The following CACNG1 variants were observed in gnomAD, a reference collection of about 807,000 sequenced individuals.
The protein encoded by CACNG1 is calcium voltage-gated channel auxiliary subunit gamma 1.
CACNG1 carries 21 observed loss-of-function variants against 22.0 expected under a neutral mutation model. The observed-to-expected ratio is 0.95, with a 90% confidence interval of 0.68 to 1.37. CACNG1 has a LOEUF of 1.37. Ranked by LOEUF, CACNG1 falls within the 40% of genes most tolerant of loss-of-function variation. The pLI is 0.00. For missense variants in CACNG1, 291 were observed against 308.6 expected (o/e 0.94, Z 0.43); for synonymous variants, 127 against 129.2 (o/e 0.98, Z 0.12).
chr17:67,047,730 G>A (rs778699049), intron 1 of CACNG1, among the ~76,000 whole-genome samples: 3 of 152,086 alleles, frequency 2.0e-5, no homozygotes, highest in Non-Finnish European at 4.4e-5. Flanking sequence ...AAAACAACAG[G>A]CTAACCAAAA....
chr17:67,049,559 A>C (rs886963650), intron 1 of CACNG1, among the ~76,000 whole-genome samples: 2 of 143,082 alleles, frequency 1.4e-5, no homozygotes, highest in African/African-American at 4.9e-5. Flanking sequence ...GGTGGTTCCT[A>C]TTCTACAGGT....
intron 1 of CACNG1, among the ~76,000 whole-genome samples, chr17:67,052,222 AC>A (rs2035732028): frequency 6.6e-6 from 1 of 152,176 alleles, no homozygotes; most frequent in Admixed American, 6.5e-5. Context: ...GCAGTCAGAC[AC>A]CCCAGGTAAC....
At chr17:67,047,052 T>C (rs1251526595) in intron 1 of CACNG1, among the ~76,000 whole-genome samples, 1 of 152,170 alleles carries the variant, frequency 6.6e-6, no homozygotes, top group Non-Finnish European at 1.5e-5. Flanking sequence ...TCTGCCCTTC[T>C]TGTGCTCCCT....
rs2035751346 is a variant in CACNG1, at chr17:67,054,920, C to A, written c.305-183C>A. On this transcript the variant is annotated intron_variant, in intron 2 of 3. Coordinates refer to ENST00000226021, the MANE Select transcript of CACNG1 (RefSeq NM_000727.4). The surrounding 1 kb of genome is among the most constrained non-coding windows in gnomAD (Gnocchi z 4.6). ...ACAATGACACACACAGACACTGACA[C>A]ACACACAGATACACACATACAATGA... is the stretch of plus-strand genomic sequence containing the variant. Among the ~76,000 whole-genome samples the A allele has an allele frequency of 6.6e-6, 1 of 151,706 alleles. No homozygotes were observed. Among genetic ancestry groups the A allele is most frequent in the Non-Finnish European group, 1.5e-5 (1 of 67,936 alleles).
chr17:67,056,225 C>A lies in CACNG1; in HGVS notation c.623C>A (p.Pro208His). Residue 208 changes from proline (P) to histidine (H), a missense_variant, in exon 4 of 4, where the codon CCC becomes CAC. Physicochemically the swap from Pro to His is moderately conservative, Grantham distance 77. Transcript: ENST00000226021. The surrounding 1 kb of genome is among the most constrained non-coding windows in gnomAD (Gnocchi z 4.3). ...ALLLFSLPRM[P>H]RNPWESCMDA... ...CTGCTGTTCTCCCTGCCTCGAATGC[C>A]CCGGAACCCATGGGAGTCCTGCATG... The A allele has an allele frequency of 6.2e-7, 1 of 1,614,036 alleles. No individual in the cohort carries two copies. Among genetic ancestry groups the A allele is most frequent in the South Asian group, 1.1e-5 (1 of 91,060 alleles).
In CACNG1 at chr17:67,052,520, C is replaced by T. The variant is rs577925998; in HGVS notation, c.230-1476C>T. 1.5e-4 allele frequency among the ~76,000 whole-genome samples: 23 copies of T among 152,244 alleles called. No individual in the cohort carries two copies. The South Asian group carries it at 3.1e-3, about 21-fold the overall frequency. On this transcript the variant is annotated intron_variant, in intron 1 of 3. Coordinates refer to ENST00000226021, the MANE Select transcript of CACNG1 (RefSeq NM_000727.4). ...TTTCCAGAAAGAACTAGGCATCAAC[C>T]GCCTTATGAGCATCTAAATGAAGCC...
chr17:67,053,607 T>C (rs1043320719), intron 1 of CACNG1, among the ~76,000 whole-genome samples: 8 of 152,102 alleles, frequency 5.3e-5, no homozygotes, highest in South Asian at 2.1e-4. Context: ...AAGTGTCCCC[T>C]GGGGGGGCAG....
chr17:67,047,578 C>T (rs1216073269), intron 1 of CACNG1, among the ~76,000 whole-genome samples: 1 of 152,182 alleles, frequency 6.6e-6, no homozygotes, highest in Admixed American at 6.5e-5. Flanking sequence ...TGAAAACCCC[C>T]ACTTGAGAAG....
At position 67,044,785 on chromosome 17, in the gene CACNG1, A is replaced by T; in HGVS notation, c.125A>T (p.His42Leu). 1 of 1,613,392 alleles carries T rather than the reference A, an allele frequency of 6.2e-7. No individual in the cohort carries two copies. The highest frequency in any genetic ancestry group is 8.5e-7 in the Non-Finnish European group (1 of 1,180,020). ...GTGCTGAGCCCCCACATGGAGCACC[A>T]CAACACTACCTGCGAGGCGGCCCAC... is the stretch of plus-strand genomic sequence containing the variant. ...WAVLSPHMEH[H>L]NTTCEAAHFG... The change falls in exon 1 of 4, where the codon CAC becomes CTC. Residue 42 changes from histidine to leucine, a missense_variant. Transcript: ENST00000226021. This position sits in a 1 kb window ranked among gnomAD's most constrained non-coding sequence, Gnocchi z 6.9.
At chr17:67,047,074 T>C (rs1249034588) in intron 1 of CACNG1, among the ~76,000 whole-genome samples, 2 of 152,136 alleles carry the variant, frequency 1.3e-5, no homozygotes, top group African/African-American at 2.4e-5. Flanking sequence ...GGACCACTCT[T>C]CTCTGGAGGG....
At chr17:67,051,458 G>A (rs1267922622) in intron 1 of CACNG1, among the ~76,000 whole-genome samples, 2 of 152,144 alleles carry the variant, frequency 1.3e-5, no homozygotes, top group Non-Finnish European at 2.9e-5. Context: ...GTTCAGGGCA[G>A]GAGACACCGG....
At position 67,054,550 on chromosome 17, in the gene CACNG1, A is replaced by C. The variant is rs1423233271; in HGVS notation, c.304+480A>C. On this transcript the variant is annotated intron_variant, in intron 2 of 3. Transcript: ENST00000226021. This position sits in a 1 kb window ranked among gnomAD's most constrained non-coding sequence, Gnocchi z 4.6. ...CGCACACCCATTGTCGGGAGTACAG[A>C]CCCGTGCCTGCCTGCGCCCAGACAG... Among the ~76,000 whole-genome samples the C allele has an allele frequency of 6.6e-6, 1 of 152,012 alleles. No individual in the cohort carries two copies. Among genetic ancestry groups the C allele is most frequent in the Admixed American group, 6.6e-5 (1 of 15,262 alleles).
At position 67,055,081 on chromosome 17, in the gene CACNG1, T is replaced by G. The variant is rs2035752927; in HGVS notation, c.305-22T>G. ...GAGCTCCCATGCTGAGGCCGCATGC[T>G]GGGTGTCCCTTGTGTTTGCAGAGTA... On this transcript the variant is annotated intron_variant, in intron 2 of 3. Coordinates refer to ENST00000226021, the MANE Select transcript of CACNG1 (RefSeq NM_000727.4). The surrounding 1 kb of genome is among the most constrained non-coding windows in gnomAD (Gnocchi z 4.5). 6.2e-7 allele frequency: 1 copy of G among 1,606,512 alleles called. No individual in the cohort carries two copies. The highest frequency in any genetic ancestry group is 1.3e-5 in the African/African-American group (1 of 74,916).
rs746335414 is a variant in CACNG1, at chr17:67,055,037, C to A, written c.305-66C>A. 2.7e-5 allele frequency: 42 copies of A among 1,534,198 alleles called. No homozygotes were observed. The highest frequency in any genetic ancestry group is 1.7e-4 in the Admixed American group (10 of 57,332). On this transcript the variant is annotated intron_variant, in intron 2 of 3. Coordinates refer to ENST00000226021, the MANE Select transcript of CACNG1 (RefSeq NM_000727.4). This position sits in a 1 kb window ranked among gnomAD's most constrained non-coding sequence, Gnocchi z 4.5. ...CACACACTGTGGTGCATGGTGTGGTCCCTAACGAGCCATGACAAGAGCTCC... is the reference window on the plus strand; with the variant it reads ...CACACACTGTGGTGCATGGTGTGGTACCTAACGAGCCATGACAAGAGCTCC...
chr17:67,052,511 G>A lies in CACNG1; in HGVS notation c.230-1485G>A, dbSNP rs113763496. The stretch of plus-strand genomic sequence containing the variant: ...GCAGGTACATTTCCAGAAAGAACTA[G>A]GCATCAACCGCCTTATGAGCATCTA... On this transcript the variant is annotated intron_variant, in intron 1 of 3. Coordinates refer to ENST00000226021, the MANE Select transcript of CACNG1 (RefSeq NM_000727.4). 2.0e-3 allele frequency among the ~76,000 whole-genome samples: 311 copies of A among 152,238 alleles called. 1 individual carries two copies. The highest frequency in any genetic ancestry group is 7.1e-3 in the African/African-American group (296 of 41,526).
chr17:67,045,280 G>T (rs1190508141), intron 1 of CACNG1, among the ~76,000 whole-genome samples: 1 of 152,230 alleles, frequency 6.6e-6, no homozygotes, highest in Non-Finnish European at 1.5e-5. Flanking sequence ...GGGCTGGCAG[G>T]TTTGTTCCTG....
chr17:67,049,153 G>A (rs189561053), intron 1 of CACNG1, among the ~76,000 whole-genome samples: 1 of 152,290 alleles, frequency 6.6e-6, no homozygotes, highest in East Asian at 1.9e-4. Context: ...TAGAGACAGA[G>A]AATCTTAAAA....
Position 67,054,976 on chromosome 17 carries a change from TTGACACACACACAA to T in CACNG1, c.305-115_305-102del. ...ACAAGACAGACACAGAGACACACAC[TTGACACACACACAA>T]TGACACACACAGACACTGACACACA... On this transcript the variant is annotated intron_variant, in intron 2 of 3. Transcript: ENST00000226021. The surrounding 1 kb of genome is among the most constrained non-coding windows in gnomAD (Gnocchi z 4.6). 4.3e-6 allele frequency: 4 copies of T among 920,290 alleles called. No individual in the cohort carries two copies. Among genetic ancestry groups the T allele is most frequent in the East Asian group, 2.7e-5 (1 of 36,370 alleles). The allele number at this position is 920,290 out of a possible 1,614,324, so 57.0% of individuals were successfully genotyped here.
intron 1 of CACNG1, among the ~76,000 whole-genome samples, chr17:67,052,322 C>G (rs933178963): frequency 6.6e-6 from 1 of 152,196 alleles, no homozygotes; most frequent in Non-Finnish European, 1.5e-5. Flanking sequence ...AACCAGATCC[C>G]ATCTCCAGGG....
Sources: allele counts gnomAD v4.1 joint callset (sites outside exome capture counted in the v4.1 genomes callset), GRCh38; gene constraint gnomAD v4.1.1; non-coding constraint Gnocchi (gnomAD v3.1); transcripts MANE v1.5; gene names NCBI Gene and HGNC (gene_info 2026-07-23, HGNC 2026-07-21).